Variants in GLIS3 observed in about 807,000 individuals in gnomAD.
The protein encoded by GLIS3 is GLIS family zinc finger 3.
A neutral mutation model predicts 78.6 loss-of-function variants in GLIS3; 53 were observed. The observed-to-expected ratio is 0.67, with a 90% CI of 0.54 to 0.85. The LOEUF is 0.85. Among genes scored for constraint, GLIS3 ranks in the 40% least tolerant of loss-of-function variants. The pLI is 0.00. For synonymous variants in GLIS3, 684 were observed against 509.9 expected, an observed-to-expected ratio of 1.34 and a Z score of -4.60; for missense variants, 1,703 against 1,231.1, an observed-to-expected ratio of 1.38 and a Z score of -5.74.
chr9:4,383,332 G>A, the GLIS3 span, among the ~76,000 whole-genome samples: 1 of 152,104 alleles, frequency 6.6e-6, no homozygotes, highest in Non-Finnish European at 1.5e-5. Context: ...CATAACATTT[G>A]GAACTGCTGT....
chr9:4,148,531 T>C (rs16920780), intron 2 of GLIS3, among the ~76,000 whole-genome samples: 2 of 151,888 alleles, frequency 1.3e-5, no homozygotes, highest in Admixed American at 6.6e-5. Flanking sequence ...TGTGGATCAA[T>C]TCTACCTCAT....
chr9:4,326,490 C>G (rs1817602744), intron 2 of GLIS3, among the ~76,000 whole-genome samples: 1 of 151,842 alleles, frequency 6.6e-6, no homozygotes, highest in Non-Finnish European at 1.5e-5. Flanking sequence ...GAAGTATTTA[C>G]AGTAGTAAAA....
intron 2 of GLIS3, among the ~76,000 whole-genome samples, chr9:4,267,944 C>CGTGTGTGTGTGT (rs757545130): frequency 1.3e-4 from 20 of 150,006 alleles, no homozygotes; most frequent in East Asian, 6.0e-4. Context: ...TATAAAAATA[C>CGTGTGTGTGTGT]CTGTGTGTGT....
the GLIS3 span, among the ~76,000 whole-genome samples, chr9:4,432,034 G>A: frequency 6.6e-6 from 1 of 152,126 alleles, no homozygotes; most frequent in African/African-American, 2.4e-5. Context: ...GATCTGGCCT[G>A]TGAGCCACAG....
At chr9:4,352,763 T>C (rs77714550), upstream of GLIS3, among the ~76,000 whole-genome samples, 200 of 152,328 alleles carry the variant, frequency 1.3e-3, no homozygotes, top group African/African-American at 4.5e-3. Context: ...AATACTTGGA[T>C]GGAGAGATCA....
In GLIS3 at chr9:4,056,898, C is replaced by CCT. The variant is rs1554683261; in HGVS notation, c.1710+60869_1710+60870insAG. ...GAAAAAGCTGCTCCTCTTCAAGACACTTTTTTTTTTTTTTTTTTTTTTGCC... is the reference window on the plus strand; with the variant it reads ...GAAAAAGCTGCTCCTCTTCAAGACACCTTTTTTTTTTTTTTTTTTTTTTTGCC... On this transcript the variant is annotated intron_variant, in intron 4 of 10. Coordinates refer to ENST00000381971, the MANE Select transcript of GLIS3 (RefSeq NM_001042413.2). 9.2e-5 allele frequency among the ~76,000 whole-genome samples: 9 copies of CCT among 98,060 alleles called. No homozygotes were observed. The East Asian group carries it at 1.8e-3, about 20-fold the overall frequency. 64.3% of individuals were successfully genotyped at this position (98,060 alleles called of 152,430 possible). A position where few individuals can be genotyped will look rare whatever the true frequency, so the allele number is the denominator to read the frequency against.
intron 2 of GLIS3, among the ~76,000 whole-genome samples, chr9:4,330,649 G>GTGGAGA (rs1817671426): frequency 1.2e-5 from 1 of 82,250 alleles, no homozygotes; most frequent in Non-Finnish European, 2.6e-5. Context: ...AGAGGTGGAG[G>GTGGAGA]TGAAGGTTGA....
At chr9:4,314,723 C>A (rs1022093359) in intron 2 of GLIS3, among the ~76,000 whole-genome samples, 1 of 152,192 alleles carries the variant, frequency 6.6e-6, no homozygotes, top group African/African-American at 2.4e-5. Flanking sequence ...TGGAGCCAGG[C>A]AGAACTGGGT....
intron 8 of GLIS3, 151 bp downstream of exon 8, chr9:3,879,276 G>T: frequency 1.4e-6 from 1 of 736,416 alleles, no homozygotes; most frequent in South Asian, 1.5e-5. Flanking sequence ...TTTGGTCCAC[G>T]TGCTTTGTGT....
intron 2 of GLIS3, among the ~76,000 whole-genome samples, chr9:4,185,521 G>A (rs909816016): frequency 6.6e-6 from 1 of 152,158 alleles, no homozygotes; most frequent in Non-Finnish European, 1.5e-5. Context: ...TTAACATCCT[G>A]AAAATTAGAG....
At chr9:4,433,699 G>A in the GLIS3 span, among the ~76,000 whole-genome samples, 3 of 152,224 alleles carry the variant, frequency 2.0e-5, no homozygotes, top group Non-Finnish European at 4.4e-5. Context: ...CAAACCTGTT[G>A]GGCTTCCTTG....
intron 6 of GLIS3, among the ~76,000 whole-genome samples, chr9:3,914,110 A>T (rs1470882279): frequency 3.3e-5 from 5 of 149,380 alleles, no homozygotes; most frequent in Admixed American, 6.8e-5. Context: ...TTGAACCGAA[A>T]TTTTTTTTAA....
chr9:4,062,631 G>A (rs1054752047), intron 4 of GLIS3, among the ~76,000 whole-genome samples: 4 of 152,164 alleles, frequency 2.6e-5, no homozygotes, highest in African/African-American at 9.7e-5. Flanking sequence ...AATAGCATAT[G>A]TAAGAATGTG....
chr9:4,207,350 T>G (rs1343714437), intron 2 of GLIS3, among the ~76,000 whole-genome samples: 1 of 152,200 alleles, frequency 6.6e-6, no homozygotes, highest in Admixed American at 6.5e-5. Flanking sequence ...CTTAGGAATT[T>G]CCATTCAGCC....
chr9:4,473,466 A>AAAAAAAAG, the GLIS3 span, among the ~76,000 whole-genome samples: 1 of 135,416 alleles, frequency 7.4e-6, no homozygotes, highest in African/African-American at 2.5e-5. Flanking sequence ...ACAACAAAAA[A>AAAAAAAAG]AAAGGATCAT....
chr9:3,936,900 T>C, intron 5 of GLIS3, 128 bp downstream of exon 5: 2 of 1,293,226 alleles, frequency 1.5e-6, no homozygotes, highest in Non-Finnish European at 2.2e-6. Context: ...CAGGCTCCAC[T>C]GCTGCCCTTG....
chr9:4,177,443 G>A (rs1816909320), intron 2 of GLIS3, among the ~76,000 whole-genome samples: 2 of 152,156 alleles, frequency 1.3e-5, no homozygotes, highest in Non-Finnish European at 1.5e-5. Context: ...ATGGTCAATG[G>A]AAATTTTACA....
In GLIS3 at chr9:4,300,011, A is replaced by AGGGGAAG. The variant is rs1219221113; in HGVS notation, c.-696_-690dup. ...GCAGTGTGGACGCGGCTGCAGGGAGAGGGGAAGGGGGAAGAGGGAGGGAGG... is the reference window on the plus strand; with the variant it reads ...GCAGTGTGGACGCGGCTGCAGGGAGAGGGGAAGGGGGAAGGGGGAAGAGGGAGGGAGG... On this transcript the variant is annotated 5_prime_UTR_variant, in exon 1 of 11. Coordinates refer to ENST00000381971, the MANE Select transcript of GLIS3 (RefSeq NM_001042413.2). 2 of 148,168 alleles carry AGGGGAAG rather than the reference A, an allele frequency of 1.3e-5. No homozygotes were observed. The highest frequency in any genetic ancestry group is 3.0e-5 in the Non-Finnish European group (2 of 67,220). 9.2% of individuals were successfully genotyped at this position (148,168 alleles called of 1,614,324 possible). A position where few individuals can be genotyped will look rare whatever the true frequency, so the allele number is the denominator to read the frequency against.
chr9:4,186,373 C>T (rs1817797026), intron 2 of GLIS3, among the ~76,000 whole-genome samples: 1 of 151,816 alleles, frequency 6.6e-6, no homozygotes, highest in African/African-American at 2.4e-5. Flanking sequence ...GTATATGTGC[C>T]ACATTTTCTT....
Sources: allele counts gnomAD v4.1 joint callset (sites outside exome capture counted in the v4.1 genomes callset), GRCh38; gene constraint gnomAD v4.1.1; transcripts MANE v1.5; gene names NCBI Gene and HGNC (gene_info 2026-07-23, HGNC 2026-07-21).